Variants in TBC1D2 observed in about 807,000 individuals in gnomAD.
TBC1D2 encodes TBC1 domain family member 2.
Under a neutral mutation model 91.1 loss-of-function variants are expected in TBC1D2, and 58 were observed. That is an observed-to-expected ratio of 0.64 (90% CI 0.52 to 0.79). The LOEUF (loss-of-function observed/expected upper bound fraction) is 0.79, where lower values mean the gene tolerates loss of function less well. Among genes scored for constraint, TBC1D2 ranks in the 30% least tolerant of loss-of-function variants. TBC1D2 has a pLI of 0.00. For synonymous variants in TBC1D2, 482 were observed against 511.5 expected, an observed-to-expected ratio of 0.94 and a Z score of 0.78; for missense variants, 1,080 against 1,208.3, an observed-to-expected ratio of 0.89 and a Z score of 1.57.
intron 4 of TBC1D2, among the ~76,000 whole-genome samples, chr9:98,233,100 C>A (rs1332713435): frequency 6.6e-6 from 1 of 152,200 alleles, no homozygotes; most frequent in Non-Finnish European, 1.5e-5. Flanking sequence ...GAATAAGCAG[C>A]AGAGACCAGA....
chr9:98,247,684 G>A (rs1238019270), intron 2 of TBC1D2, among the ~76,000 whole-genome samples: 8 of 136,970 alleles, frequency 5.8e-5, no homozygotes, highest in African/African-American at 2.3e-4. Context: ...AGCCAAGATC[G>A]CGCCACTGTA....
At chr9:98,211,048 G>A (rs7027796) in intron 7 of TBC1D2, among the ~76,000 whole-genome samples, 5,925 of 152,318 alleles carry the variant, frequency 0.039, 413 homozygotes, top group African/African-American at 0.14. Context: ...CCAGGCCCAG[G>A]TTGGAGCTGG....
At chr9:98,203,477 G>A in intron 9 of TBC1D2, 69 bp from the exon 10 acceptor site, 1 of 1,589,190 alleles carries the variant, frequency 6.3e-7, no homozygotes, top group Non-Finnish European at 8.6e-7. Flanking sequence ...CATGGCAGAG[G>A]TGGCTTCCTG....
chr9:98,200,660 C>T (rs1828471540), intron 11 of TBC1D2, among the ~76,000 whole-genome samples: 2 of 152,276 alleles, frequency 1.3e-5, no homozygotes, highest in East Asian at 1.9e-4. Flanking sequence ...GGGTGAGGCA[C>T]GGCCCCTGTT....
At position 98,199,467 on chromosome 9, in the gene TBC1D2, C is replaced by T. The variant is rs764657836; in HGVS notation, c.2701G>A (p.Ala901Thr). The change falls in exon 13 of 13, where the codon GCA becomes ACA. Residue 901 changes from alanine (A) to threonine (T), a missense_variant. Coordinates refer to ENST00000465784, the MANE Select transcript of TBC1D2 (RefSeq NM_001267571.2). ...GATGCCCGCCTCTCCAGGTACTCTG[C>T]CTTAAGCTGCTCCAGCTCCCGCAGC... Reference protein sequence around the residue: ...AELRELEQLKAEYLERRASRR... With the variant: ...AELRELEQLKTEYLERRASRR... 5 of 1,614,038 alleles carry T rather than the reference C, an allele frequency of 3.1e-6. No homozygotes were observed. The highest frequency in any genetic ancestry group is 4.2e-6 in the Non-Finnish European group (5 of 1,180,044).
At chr9:98,211,630 AG>A (rs1375541542) in intron 7 of TBC1D2, among the ~76,000 whole-genome samples, 1 of 152,144 alleles carries the variant, frequency 6.6e-6, no homozygotes. Flanking sequence ...GGGTGGCAGC[AG>A]GGGAACAATT....
At chr9:98,244,774 T>C (rs957293890) in intron 2 of TBC1D2, among the ~76,000 whole-genome samples, 2 of 151,888 alleles carry the variant, frequency 1.3e-5, no homozygotes, top group South Asian at 2.1e-4. Flanking sequence ...TCGTTCCTTC[T>C]AGCATTGTCA....
chr9:98,218,808 G>T (rs1049733210), intron 6 of TBC1D2, among the ~76,000 whole-genome samples: 1 of 152,052 alleles, frequency 6.6e-6, no homozygotes, highest in African/African-American at 2.4e-5. Context: ...CTCCCACCTC[G>T]GCCTCCAGAG....
Position 98,255,401 on chromosome 9 carries a change from T to C in TBC1D2, c.141A>G (p.Lys47=), listed in dbSNP as rs1394573203. 9 of 1,613,506 alleles carry C rather than the reference T, an allele frequency of 5.6e-6. No homozygotes were observed. The highest frequency in any genetic ancestry group is 7.6e-6 in the Non-Finnish European group (9 of 1,179,596). ...CARSLEAVPK[K]LCGYLSKFGG... ...CGAACTTACTTAAATACCCACAGAG[T>C]TTCTTGGGGACCGCCTCCAGGGACC... The change falls in exon 1 of 13, where the codon AAA becomes AAG. Residue 47 remains lysine (K), a synonymous_variant. Coordinates refer to ENST00000465784, the MANE Select transcript of TBC1D2 (RefSeq NM_001267571.2).
In TBC1D2 at chr9:98,245,000, G is replaced by A. The variant is rs145538145; in HGVS notation, c.512-871C>T. ...TCACACCTGTAATCCCAGCACTTTG[G>A]GAGGCTGAGGCAGGCAGATCATGAG... On this transcript the variant is annotated intron_variant, in intron 2 of 12. Coordinates refer to ENST00000465784, the MANE Select transcript of TBC1D2 (RefSeq NM_001267571.2). Among the ~76,000 whole-genome samples the A allele has an allele frequency of 5.3e-5, 8 of 152,274 alleles. No homozygotes were observed. The East Asian group carries it at 1.3e-3, about 26-fold the overall frequency.
chr9:98,212,080 T>A (rs1828857444), intron 7 of TBC1D2, among the ~76,000 whole-genome samples: 1 of 151,960 alleles, frequency 6.6e-6, no homozygotes, highest in Non-Finnish European at 1.5e-5. Flanking sequence ...TACAGGCCTG[T>A]GCCACCGCAC....
chr9:98,235,301 G>C (rs935387757), intron 3 of TBC1D2: 4 of 392,008 alleles, frequency 1.0e-5, no homozygotes, highest in Non-Finnish European at 2.0e-5. Flanking sequence ...TTACATAACA[G>C]ATGGTGCAGA....
chr9:98,225,141 A>G lies in TBC1D2; in HGVS notation c.978+3811T>C, dbSNP rs949699329. Among the ~76,000 whole-genome samples the G allele has an allele frequency of 2.6e-5, 4 of 152,232 alleles. No individual in the cohort carries two copies. The South Asian group carries it at 8.3e-4, about 31-fold the overall frequency. On this transcript the variant is annotated intron_variant, in intron 5 of 12. Coordinates refer to ENST00000465784, the MANE Select transcript of TBC1D2 (RefSeq NM_001267571.2). ...AAGGTGGCCCCAGAGGGCCGCAGGCAGGGTCCCAGAGGGGTTCATCATTCC... is the reference window on the plus strand; with the variant it reads ...AAGGTGGCCCCAGAGGGCCGCAGGCGGGGTCCCAGAGGGGTTCATCATTCC...
At chr9:98,213,404 A>G in intron 6 of TBC1D2, 186 bp from the exon 7 acceptor site, 7 of 1,408,488 alleles carry the variant, frequency 5.0e-6, no homozygotes, top group Non-Finnish European at 5.5e-6. Flanking sequence ...TGATGTCAGC[A>G]TGATGTGGTA....
chr9:98,200,409 G>T lies in TBC1D2; in HGVS notation c.2458-35C>A, dbSNP rs765315011. The T allele has an allele frequency of 2.6e-6, 4 of 1,565,722 alleles. No individual in the cohort carries two copies. In the East Asian group the frequency reaches 7.0e-5, roughly 27 times the overall value. Reference sequence around the variant, plus strand: ...GAGTGGGGGCTCAGGTAGGGCATGGGGGGGCCAGGCAGGTCATCCCCGGAG... The same window carrying T: ...GAGTGGGGGCTCAGGTAGGGCATGGTGGGGCCAGGCAGGTCATCCCCGGAG... On this transcript the variant is annotated intron_variant, in intron 11 of 12. Transcript: ENST00000465784.
rs989425192 is a variant in TBC1D2 at position 98,203,239 on chromosome 9, TG to T, written c.2271+48del. The T allele has an allele frequency of 2.5e-6, 4 of 1,609,156 alleles. No homozygotes were observed. The African/African-American group carries it at 5.3e-5, about 21-fold the overall frequency. On this transcript the variant is annotated intron_variant, in intron 10 of 12. Coordinates refer to ENST00000465784, the MANE Select transcript of TBC1D2 (RefSeq NM_001267571.2). ...AGTCACAGGCTTCTAGGAACAGCTCTGGGGCACTGCCCTACATGGCTGCAAA... is the reference window on the plus strand; with the variant it reads ...AGTCACAGGCTTCTAGGAACAGCTCTGGGCACTGCCCTACATGGCTGCAAA...
At chr9:98,236,448 C>T (rs1016287291) in intron 3 of TBC1D2, among the ~76,000 whole-genome samples, 3 of 152,142 alleles carry the variant, frequency 2.0e-5, no homozygotes, top group Non-Finnish European at 4.4e-5. Context: ...GTCTCAAACT[C>T]CTGACTTCAG....
intron 4 of TBC1D2, among the ~76,000 whole-genome samples, chr9:98,232,692 T>A (rs952913725): frequency 6.6e-6 from 1 of 152,140 alleles, no homozygotes; most frequent in African/African-American, 2.4e-5. Flanking sequence ...ATGTCCCAAG[T>A]ACTCTTCACC....
intron 4 of TBC1D2, among the ~76,000 whole-genome samples, chr9:98,232,342 G>GTTTTTTTTTTTTTTTT (rs753455224): frequency 0.024 from 2,086 of 86,614 alleles, 450 homozygotes; most frequent in African/African-American, 0.09. Context: ...CTCTTTTTCT[G>GTTTTTTTTTTTTTTTT]TTTTTTTTTT....
Sources: allele counts gnomAD v4.1 joint callset (sites outside exome capture counted in the v4.1 genomes callset), GRCh38; gene constraint gnomAD v4.1.1; transcripts MANE v1.5; gene names NCBI Gene and HGNC (gene_info 2026-07-23, HGNC 2026-07-21).